The following NCAM2 variants were observed in gnomAD, a reference collection of about 807,000 sequenced individuals.
NCAM2 encodes N-CAM-2.
Under a neutral mutation model 98.1 loss-of-function variants are expected in NCAM2, and 30 were observed. The ratio of observed to expected loss-of-function variants is 0.31; its 90% CI spans 0.23 to 0.41. NCAM2 has a LOEUF of 0.41. Ranked by LOEUF, NCAM2 falls within the 10% of genes least tolerant of loss-of-function variation. The pLI, the probability that NCAM2 is intolerant of heterozygous loss-of-function variation, is 1.00. For missense variants in NCAM2, 867 were observed against 1,005.8 expected, an observed-to-expected ratio of 0.86 and a Z score of 1.87; for synonymous variants, 368 against 342.4, an observed-to-expected ratio of 1.07 and a Z score of -0.83.
chr21:21,304,573 A>C (rs923885951), intron 5 of NCAM2, among the ~76,000 whole-genome samples: 1 of 152,132 alleles, frequency 6.6e-6, no homozygotes, highest in South Asian at 2.1e-4. Flanking sequence ...TTAATATAGA[A>C]TAAAATACTC....
chr21:21,405,525 A>G (rs1002620098), intron 9 of NCAM2, among the ~76,000 whole-genome samples: 6 of 152,138 alleles, frequency 3.9e-5, no homozygotes, highest in African/African-American at 1.2e-4. Flanking sequence ...TTTAAAATCA[A>G]TTATTATATT....
At chr21:21,352,010 C>G (rs754102595) in intron 8 of NCAM2, among the ~76,000 whole-genome samples, 3 of 151,882 alleles carry the variant, frequency 2.0e-5, no homozygotes, top group Non-Finnish European at 4.4e-5. Flanking sequence ...TCAGCCTCCT[C>G]AAATGCTGGG....
At chr21:21,172,040 A>T (rs1364449566) in intron 1 of NCAM2, among the ~76,000 whole-genome samples, 3 of 152,116 alleles carry the variant, frequency 2.0e-5, no homozygotes, top group Non-Finnish European at 4.4e-5. Flanking sequence ...TCAGCATAAC[A>T]CACATGGGCT....
At chr21:21,473,326 G>T (rs1057231260) in intron 14 of NCAM2, among the ~76,000 whole-genome samples, 2 of 145,600 alleles carry the variant, frequency 1.4e-5, no homozygotes, top group East Asian at 3.9e-4. Context: ...ATATATGCTT[G>T]TGTGTATATA....
chr21:21,325,174 A>G (rs904128459), intron 6 of NCAM2, among the ~76,000 whole-genome samples: 2 of 152,212 alleles, frequency 1.3e-5, no homozygotes, highest in African/African-American at 4.8e-5. Context: ...TCTTGTAAAT[A>G]TGCATTAGTA....
chr21:21,146,507 A>G (rs897486642), intron 1 of NCAM2, among the ~76,000 whole-genome samples: 35 of 147,992 alleles, frequency 2.4e-4, no homozygotes, highest in African/African-American at 8.7e-4. Flanking sequence ...ATATATGTGT[A>G]TGTGTGTGTG....
intron 11 of NCAM2, among the ~76,000 whole-genome samples, chr21:21,427,709 T>C (rs1439594513): frequency 6.6e-6 from 1 of 152,196 alleles, no homozygotes; most frequent in Non-Finnish European, 1.5e-5. Flanking sequence ...TCCATCTGAC[T>C]CCTAGGTCAT....
intron 16 of NCAM2, among the ~76,000 whole-genome samples, chr21:21,515,379 A>G (rs1988652432): frequency 6.6e-6 from 1 of 152,210 alleles, no homozygotes; most frequent in African/African-American, 2.4e-5. Context: ...GTTATTCATT[A>G]GAATGCATTA....
chr21:21,002,035 C>T (rs921315943), intron 1 of NCAM2, among the ~76,000 whole-genome samples: 15 of 152,166 alleles, frequency 9.9e-5, no homozygotes, highest in African/African-American at 3.6e-4. Context: ...TTTCTATCTG[C>T]TGTGCTCTAA....
chr21:21,289,040 A>C (rs2073200077), intron 4 of NCAM2, among the ~76,000 whole-genome samples: 1 of 151,910 alleles, frequency 6.6e-6, no homozygotes, highest in Admixed American at 6.6e-5. Flanking sequence ...TGTCATCGTG[A>C]TGGAGGGATA....
chr21:21,220,602 A>G (rs765178804), intron 1 of NCAM2, among the ~76,000 whole-genome samples: 2 of 152,102 alleles, frequency 1.3e-5, no homozygotes, highest in Non-Finnish European at 2.9e-5. Context: ...AGCTCCTTCA[A>G]TGAACTATTC....
chr21:21,468,809 C>G (rs746822642), intron 14 of NCAM2, 26 bp downstream of exon 14: 1 of 1,585,926 alleles, frequency 6.3e-7, no homozygotes, highest in South Asian at 1.1e-5. Context: ...ATTGTCATAT[C>G]ATGCTAGGTT....
intron 16 of NCAM2, among the ~76,000 whole-genome samples, chr21:21,511,103 A>G (rs1262315557): frequency 6.6e-6 from 1 of 151,984 alleles, no homozygotes; most frequent in African/African-American, 2.4e-5. Flanking sequence ...ACCTTTATCA[A>G]TTCTTTGTGC....
At chr21:21,139,570 TATAG>T (rs2067125784) in intron 1 of NCAM2, among the ~76,000 whole-genome samples, 1 of 152,200 alleles carries the variant, frequency 6.6e-6, no homozygotes, top group South Asian at 2.1e-4. Flanking sequence ...TGTAACAGTC[TATAG>T]ATATTTTATC....
At chr21:21,316,701 G>A (rs1601953925) in intron 5 of NCAM2, among the ~76,000 whole-genome samples, 1 of 151,520 alleles carries the variant, frequency 6.6e-6, no homozygotes, top group Non-Finnish European at 1.5e-5. Context: ...CTACCACCAC[G>A]CTCAGCTAAT....
At chr21:21,197,044 C>A (rs1332985757) in intron 1 of NCAM2, among the ~76,000 whole-genome samples, 1 of 152,278 alleles carries the variant, frequency 6.6e-6, no homozygotes, top group Non-Finnish European at 1.5e-5. Flanking sequence ...CTGAGACCTC[C>A]CCAGAAGCAG....
chr21:21,215,146 T>C (rs571713486), intron 1 of NCAM2, among the ~76,000 whole-genome samples: 2 of 152,210 alleles, frequency 1.3e-5, no homozygotes, highest in Admixed American at 6.5e-5. Flanking sequence ...TGGTGCTGTA[T>C]TGGGAGCCAA....
intron 1 of NCAM2, among the ~76,000 whole-genome samples, chr21:21,239,056 G>A (rs1210416611): frequency 6.6e-6 from 1 of 152,108 alleles, no homozygotes; most frequent in East Asian, 1.9e-4. Flanking sequence ...AATAAACGGG[G>A]GGTGGGGTTG....
intron 1 of NCAM2, among the ~76,000 whole-genome samples, chr21:21,031,820 AC>A (rs2064690051): frequency 6.6e-6 from 1 of 152,058 alleles, no homozygotes; most frequent in African/African-American, 2.4e-5. Flanking sequence ...ACACACACAC[AC>A]ACACACACTC....
Sources: allele counts gnomAD v4.1 joint callset (sites outside exome capture counted in the v4.1 genomes callset), GRCh38; gene constraint gnomAD v4.1.1; transcripts MANE v1.5; gene names NCBI Gene and HGNC (gene_info 2026-07-23, HGNC 2026-07-21).